The following CDC45 variants were observed in gnomAD, a reference collection of about 807,000 sequenced individuals.
CDC45 encodes cell division control protein 45 homolog.
CDC45 carries 54 observed loss-of-function variants against 77.8 expected under a neutral mutation model. The observed-to-expected ratio is 0.69, with a 90% CI of 0.56 to 0.87. The LOEUF is 0.87. CDC45 is among the 40% of genes least tolerant of loss of function. CDC45 has a pLI of 0.00. For missense variants in CDC45, 649 were observed against 721.6 expected (o/e 0.90, Z 1.15); for synonymous variants, 260 against 272.1 (o/e 0.96, Z 0.44).
At chr22:19,485,615 G>A (rs896011737) in intron 5 of CDC45, among the ~76,000 whole-genome samples, 34 of 152,176 alleles carry the variant, frequency 2.2e-4, no homozygotes, top group African/African-American at 8.0e-4. Flanking sequence ...AAAATAATCA[G>A]CGTTTCCTTT....
chr22:19,503,171 A>G (rs1228839049), intron 9 of CDC45, among the ~76,000 whole-genome samples: 1 of 152,170 alleles, frequency 6.6e-6, no homozygotes, highest in Non-Finnish European at 1.5e-5. Flanking sequence ...TGTTTTAAAA[A>G]AAGAAAGCAG....
intron 5 of CDC45, among the ~76,000 whole-genome samples, chr22:19,487,237 GGCCAAGATCAC>G (rs1483556206): frequency 1.3e-5 from 2 of 150,808 alleles, no homozygotes; most frequent in Non-Finnish European, 3.0e-5. Context: ...GGTTGTAGTG[GGCCAAGATCAC>G]GCCACTGCAC....
rs756243725 is a variant in CDC45 at position 19,516,631 on chromosome 22, C to G, written c.1545C>G (p.Ser515Arg). The change falls in exon 16 of 19, where the codon AGC becomes AGG. Residue 515 changes from serine to arginine, a missense_variant. By Grantham distance (110) the Ser-to-Arg change is moderately radical. Coordinates refer to ENST00000263201, the MANE Select transcript of CDC45 (RefSeq NM_003504.5). ...TVVGIPPETD[S>R]SDRKNFFGRA... ...TGGGCATCCCCCCAGAGACCGACAG[C>G]TCGGACAGGAAGAAGTGAGCAGCTT... 1.2e-6 allele frequency: 2 copies of G among 1,613,532 alleles called. No homozygotes were observed. The highest frequency in any genetic ancestry group is 1.3e-5 in the African/African-American group (1 of 74,966).
intron 5 of CDC45, among the ~76,000 whole-genome samples, chr22:19,487,702 A>C (rs1399174673): frequency 6.6e-6 from 1 of 151,986 alleles, no homozygotes; most frequent in Non-Finnish European, 1.5e-5. Flanking sequence ...TCACGAGGTC[A>C]GGAGATTGAG....
intron 5 of CDC45, among the ~76,000 whole-genome samples, chr22:19,492,212 T>G (rs553453187): frequency 6.6e-6 from 1 of 152,196 alleles, no homozygotes; most frequent in African/African-American, 2.4e-5. Context: ...GAATGTTAGC[T>G]CTTTTGTTGT....
intron 9 of CDC45, among the ~76,000 whole-genome samples, chr22:19,504,061 C>T (rs868108596): frequency 1.8e-4 from 28 of 152,234 alleles, no homozygotes; most frequent in Admixed American, 3.9e-4. Context: ...ACAGCGAAGG[C>T]GCACCAAGCC....
chr22:19,497,558 T>G (rs1201957644), intron 8 of CDC45, 111 bp downstream of exon 8: 1 of 876,370 alleles, frequency 1.1e-6, no homozygotes, highest in Non-Finnish European at 1.9e-6. Context: ...CCACCAGGAG[T>G]GTCAGATGCA....
At chr22:19,486,621 G>A (rs2065291444) in intron 5 of CDC45, among the ~76,000 whole-genome samples, 1 of 152,142 alleles carries the variant, frequency 6.6e-6, no homozygotes, top group African/African-American at 2.4e-5. Context: ...TTCTTGAGAA[G>A]AATACTTTTT....
chr22:19,482,063 C>T (rs2089992196), intron 3 of CDC45, among the ~76,000 whole-genome samples: 1 of 152,156 alleles, frequency 6.6e-6, no homozygotes, highest in Non-Finnish European at 1.5e-5. Flanking sequence ...GGATTCCTCC[C>T]ACCTCTGCAT....
Position 19,483,947 on chromosome 22 carries a change from A to G in CDC45, c.428A>G (p.His143Arg), listed in dbSNP as rs140290119. 1 of 1,613,976 alleles carries G rather than the reference A, an allele frequency of 6.2e-7. No individual in the cohort carries two copies. Among genetic ancestry groups the G allele is most frequent in the African/African-American group, 1.3e-5 (1 of 75,032 alleles). The change falls in exon 5 of 19, where the codon CAT (histidine) becomes CGT (arginine). Residue 143 changes from histidine (H) to arginine (R), a missense_variant. His to Arg is a conservative substitution (Grantham distance 29). Transcript: ENST00000263201. ...AGGGATGAAGAGGAGGATGAAGAGC[A>G]TTCAGGAAATGACAGTGATGGGTCA... ...IFRDEEEDEE[H>R]SGNDSDGSEP...
At chr22:19,483,657 C>G (rs569372355) in intron 4 of CDC45, among the ~76,000 whole-genome samples, 1 of 152,134 alleles carries the variant, frequency 6.6e-6, no homozygotes, top group African/African-American at 2.4e-5. Flanking sequence ...CTGCATACCA[C>G]GTATGGTGTA....
intron 13 of CDC45, among the ~76,000 whole-genome samples, chr22:19,513,765 A>G (rs574408957): frequency 2.6e-5 from 4 of 152,220 alleles, no homozygotes; most frequent in Non-Finnish European, 4.4e-5. Context: ...ATATCTGACA[A>G]TATCTTTATT....
At chr22:19,497,355 A>T in intron 7 of CDC45, 31 bp from the exon 8 acceptor site, 1 of 1,610,530 alleles carries the variant, frequency 6.2e-7, no homozygotes, top group Non-Finnish European at 8.5e-7. Context: ...TGCCCCTCCC[A>T]TGAGCCTTAG....
intron 5 of CDC45, among the ~76,000 whole-genome samples, chr22:19,492,654 G>A (rs1456581998): frequency 6.6e-6 from 1 of 152,086 alleles, no homozygotes. Context: ...CTAGTTCTTG[G>A]TATGATGAGT....
intron 18 of CDC45, among the ~76,000 whole-genome samples, chr22:19,519,306 A>G (rs1933980350): frequency 1.3e-5 from 2 of 152,218 alleles, no homozygotes; most frequent in African/African-American, 4.8e-5. Context: ...CAGAGCAGCC[A>G]TCCGGGCTTT....
rs1933281131 is a variant in CDC45 at position 19,507,756 on chromosome 22, C to T, written c.957-10C>T. The T allele has an allele frequency of 1.9e-6, 3 of 1,583,856 alleles. No individual in the cohort carries two copies. Among genetic ancestry groups the T allele is most frequent in the Non-Finnish European group, 2.6e-6 (3 of 1,165,590 alleles). On this transcript the variant is annotated splice_polypyrimidine_tract_variant and intron_variant, in intron 11 of 18. Transcript: ENST00000263201. ...ACCTCACTCATGTGGCTTGGGCTTG[C>T]TCTTTCCAGTCTTCCCCTGAAGCAG... is the stretch of plus-strand genomic sequence containing the variant.
intron 10 of CDC45, among the ~76,000 whole-genome samples, chr22:19,506,682 C>T (rs1315715880): frequency 6.6e-6 from 1 of 152,026 alleles, no homozygotes; most frequent in Non-Finnish European, 1.5e-5. Flanking sequence ...CGCCTGTAAT[C>T]CCAGCACTCT....
At chr22:19,517,672 A>G (rs1451074179) in intron 17 of CDC45, among the ~76,000 whole-genome samples, 1 of 152,148 alleles carries the variant, frequency 6.6e-6, no homozygotes, top group African/African-American at 2.4e-5. Context: ...TGGCTCACAC[A>G]GATGACCACC....
chr22:19,507,362 C>T (rs752200910), intron 10 of CDC45, 24 bp from the exon 11 acceptor site: 5 of 1,610,960 alleles, frequency 3.1e-6, no homozygotes, highest in South Asian at 2.2e-5. Context: ...TGGGTGCTTG[C>T]ATGCTCCTTG....
Sources: allele counts gnomAD v4.1 joint callset (sites outside exome capture counted in the v4.1 genomes callset), GRCh38; gene constraint gnomAD v4.1.1; transcripts MANE v1.5; gene names NCBI Gene and HGNC (gene_info 2026-07-23, HGNC 2026-07-21).